The following CELSR1 variants were observed in gnomAD, a reference collection of about 807,000 sequenced individuals.
The protein encoded by CELSR1 is cadherin EGF LAG seven-pass G-type receptor 1.
A neutral mutation model predicts 249.1 loss-of-function variants in CELSR1; 110 were observed. That is an observed-to-expected ratio of 0.44 (90% CI 0.38 to 0.52). The LOEUF is 0.52. Ranked by LOEUF, CELSR1 falls within the 20% of genes least tolerant of loss-of-function variation. CELSR1 has a pLI of 0.00. For missense variants in CELSR1, 4,109 were observed against 4,296.4 expected (o/e 0.96, Z 1.22); for synonymous variants, 2,113 against 1,900.0 (o/e 1.11, Z -2.92).
At chr22:46,372,272 ACTC>A (rs2078861370) in intron 25 of CELSR1, among the ~76,000 whole-genome samples, 1 of 83,918 alleles carries the variant, frequency 1.2e-5, no homozygotes, top group African/African-American at 5.5e-5. Context: ...ATCCATCCTC[ACTC>A]AACCCCCATC....
chr22:46,391,108 T>A lies in CELSR1; in HGVS notation c.6250+78A>T. 1 of 1,165,676 alleles carries A rather than the reference T, an allele frequency of 8.6e-7. No homozygotes were observed. The highest frequency in any genetic ancestry group is 1.2e-6 in the Non-Finnish European group (1 of 801,474). The allele number at this position is 1,165,676 out of a possible 1,614,324, so 72.2% of individuals were successfully genotyped here. ...TATTTTTTCAACACGAAACATTCCA[T>A]GAGTCCCCACATCTCGACTGGCTCC... On this transcript the variant is annotated intron_variant, in intron 16 of 34. Transcript: ENST00000674500. This position sits in a 1 kb window ranked among gnomAD's most constrained non-coding sequence, Gnocchi z 4.3.
In CELSR1 at chr22:46,534,969, T is replaced by C. The variant is rs767468090; in HGVS notation, c.2202A>G (p.Ala734=). 1 of 1,612,280 alleles carries C rather than the reference T, an allele frequency of 6.2e-7. No individual in the cohort carries two copies. Among genetic ancestry groups the C allele is most frequent in the Non-Finnish European group, 8.5e-7 (1 of 1,179,768 alleles). Residue 734 remains alanine (A), a synonymous_variant, in exon 1 of 35, where the codon GCA becomes GCG. Coordinates refer to ENST00000674500, the MANE Select transcript of CELSR1 (RefSeq NM_001378328.1). The surrounding 1 kb of genome is among the most constrained non-coding windows in gnomAD (Gnocchi z 9.7). Reference sequence around the variant, plus strand: ...GGCCGCCCCCTCTCTGGCTGCTGAGTGCAAAGCGGTTCCGGGTGTTGCCGC... The same window carrying C: ...GGCCGCCCCCTCTCTGGCTGCTGAGCGCAAAGCGGTTCCGGGTGTTGCCGC... ...LTGGNTRNRF[A]LSSQRGGGLI...
At position 46,434,633 on chromosome 22, in the gene CELSR1, G is replaced by T. The variant is rs73890426; in HGVS notation, c.4523-1152C>A. ...CAACACGGGCCAGGGTTCTAGAGAC[G>T]GAAGCAGCTCTGAGCCATCTTGGTG... On this transcript the variant is annotated intron_variant, in intron 4 of 34. Transcript: ENST00000674500. The surrounding 1 kb of genome is among the most constrained non-coding windows in gnomAD (Gnocchi z 4.9). Among the ~76,000 whole-genome samples the T allele has an allele frequency of 6.6e-6, 1 of 152,184 alleles. No homozygotes were observed. The highest frequency in any genetic ancestry group is 2.4e-5 in the African/African-American group (1 of 41,442).
Position 46,401,316 on chromosome 22 carries a change from T to C in CELSR1, c.5227-1414A>G, listed in dbSNP as rs2079208730. On this transcript the variant is annotated intron_variant, in intron 9 of 34. Transcript: ENST00000674500. This position sits in a 1 kb window ranked among gnomAD's most constrained non-coding sequence, Gnocchi z 4.7. ...AATCTTAGATCTCCTAAGAAAGGACTTGGCAATTTGGACCACCTCTCCTCT... is the reference window on the plus strand; with the variant it reads ...AATCTTAGATCTCCTAAGAAAGGACCTGGCAATTTGGACCACCTCTCCTCT... 6.6e-6 allele frequency among the ~76,000 whole-genome samples: 1 copy of C among 152,192 alleles called. No individual in the cohort carries two copies. Among genetic ancestry groups the C allele is most frequent in the Non-Finnish European group, 1.5e-5 (1 of 68,024 alleles).
At position 46,433,438 on chromosome 22, in the gene CELSR1, C is replaced by T; in HGVS notation, c.4566G>A (p.Val1522=). 1 of 1,614,066 alleles carries T rather than the reference C, an allele frequency of 6.2e-7. No homozygotes were observed. The highest frequency in any genetic ancestry group is 8.5e-7 in the Non-Finnish European group (1 of 1,179,978). The change falls in exon 5 of 35, where the codon GTG becomes GTA. Residue 1522 remains valine, a synonymous_variant. Transcript: ENST00000674500. This position sits in a 1 kb window ranked among gnomAD's most constrained non-coding sequence, Gnocchi z 5.7. ...TTVAPKVPSG[V]SDGRWHSVQV... is the part of the protein sequence containing the mutation. ...GCACAGAGTGCCACCGCCCGTCACT[C>T]ACACCACTGGGAACCTTCGGTGCCA...
chr22:46,481,400 C>T, intron 1 of CELSR1: 10 of 1,230,760 alleles, frequency 8.1e-6, no homozygotes, highest in Non-Finnish European at 1.2e-5. Context: ...TGGTCATCCA[C>T]ACACTTGGTC....
At chr22:46,368,722 T>A (rs933830770) in intron 27 of CELSR1, among the ~76,000 whole-genome samples, 1 of 151,860 alleles carries the variant, frequency 6.6e-6, no homozygotes, top group African/African-American at 2.4e-5. Context: ...TCCCCTCTCC[T>A]CCCTAGAACA....
At position 46,363,205 on chromosome 22, in the gene CELSR1, A is replaced by T. The variant is rs780052407; in HGVS notation, c.*18T>A. 6.3e-7 allele frequency: 1 copy of T among 1,578,916 alleles called. No homozygotes were observed. Among genetic ancestry groups the T allele is most frequent in the South Asian group, 1.1e-5 (1 of 90,974 alleles). ...ACGGTTTCCTGATGGTTCAAATTGA[A>T]GTTTCATTACTGATGGTTCAAATTG... On this transcript the variant is annotated 3_prime_UTR_variant, in exon 35 of 35. Transcript: ENST00000674500. The surrounding 1 kb of genome is among the most constrained non-coding windows in gnomAD (Gnocchi z 4.3).
chr22:46,507,289 C>T (rs150998171), intron 1 of CELSR1, among the ~76,000 whole-genome samples: 214 of 152,310 alleles, frequency 1.4e-3, no homozygotes, highest in African/African-American at 4.8e-3. Context: ...TGAGAAGCCA[C>T]GGCTGGGGGG....
chr22:46,459,965 G>A (rs1028400736), intron 2 of CELSR1, among the ~76,000 whole-genome samples: 4 of 152,190 alleles, frequency 2.6e-5, no homozygotes, highest in African/African-American at 9.7e-5. Context: ...CCAACACTTT[G>A]GGAGGCCAAG....
Position 46,366,853 on chromosome 22 carries a change from C to CGT in CELSR1, c.8205+138_8205+139dup, listed in dbSNP as rs1250853919. 4 of 1,232,808 alleles carry CGT rather than the reference C, an allele frequency of 3.2e-6. No homozygotes were observed. The South Asian group carries it at 4.7e-5, about 14-fold the overall frequency. 76.4% of individuals were successfully genotyped at this position (1,232,808 alleles called of 1,614,324 possible). ...TCTGGTTCTGACGCGGCAGCCACAC[C>CGT]GTGCACCGCGGGCGGCTCTGCCATC... On this transcript the variant is annotated intron_variant, in intron 29 of 34. Coordinates refer to ENST00000674500, the MANE Select transcript of CELSR1 (RefSeq NM_001378328.1).
intron 25 of CELSR1, among the ~76,000 whole-genome samples, chr22:46,372,180 C>T (rs2078859763): frequency 1.3e-5 from 2 of 150,268 alleles, no homozygotes; most frequent in Admixed American, 1.3e-4. Context: ...CACCCCTCAC[C>T]CATCCATCTA....
Position 46,444,503 on chromosome 22 carries a change from C to G in CELSR1, c.4184-5092G>C, listed in dbSNP as rs550098380. Among the ~76,000 whole-genome samples the G allele has an allele frequency of 2.0e-5, 3 of 152,280 alleles. No individual in the cohort carries two copies. In the South Asian group the frequency reaches 6.2e-4, roughly 32 times the overall value. ...AGCAAACCCAGCCGCAGGTGTTTGC[C>G]CCTCGCTGAAAAGGTCTTGCTCCTT... On this transcript the variant is annotated intron_variant, in intron 2 of 34. Coordinates refer to ENST00000674500, the MANE Select transcript of CELSR1 (RefSeq NM_001378328.1).
In CELSR1 at chr22:46,488,853, G is replaced by C. The variant is rs1398151057; in HGVS notation, c.3545-24508C>G. Reference sequence around the variant, plus strand: ...TTTTTGTATTTTTAGTAGAGACGGGGTTTCACCGTGTTAGCCAGGATGGTC... The same window carrying C: ...TTTTTGTATTTTTAGTAGAGACGGGCTTTCACCGTGTTAGCCAGGATGGTC... On this transcript the variant is annotated intron_variant, in intron 1 of 34. Transcript: ENST00000674500. The surrounding 1 kb of genome is among the most constrained non-coding windows in gnomAD (Gnocchi z 4.7). Among the ~76,000 whole-genome samples, 2 of 152,124 alleles carry C rather than the reference G, an allele frequency of 1.3e-5. No homozygotes were observed. Among genetic ancestry groups the C allele is most frequent in the Non-Finnish European group, 2.9e-5 (2 of 68,024 alleles).
intron 5 of CELSR1, among the ~76,000 whole-genome samples, chr22:46,425,690 G>A (rs5767204): frequency 1.6e-4 from 25 of 151,970 alleles, no homozygotes; most frequent in South Asian, 4.1e-4. Context: ...GTTTTCCCCC[G>A]CTTTGAAAAG....
At chr22:46,384,981 G>A (rs1178837433) in intron 19 of CELSR1, among the ~76,000 whole-genome samples, 1 of 151,896 alleles carries the variant, frequency 6.6e-6, no homozygotes, top group Non-Finnish European at 1.5e-5. Flanking sequence ...TGGTAGAGAT[G>A]GGATTTCATC....
chr22:46,399,046 C>T lies in CELSR1; in HGVS notation c.5413-409G>A, dbSNP rs1334246922. On this transcript the variant is annotated intron_variant, in intron 10 of 34. Transcript: ENST00000674500. This position sits in a 1 kb window ranked among gnomAD's most constrained non-coding sequence, Gnocchi z 5.0. ...AAGAGGGTCTCGGCTGAGATCCAGT[C>T]CCAGAAAGGCAGGTGCCTGGAACAC... 1.3e-5 allele frequency among the ~76,000 whole-genome samples: 2 copies of T among 152,194 alleles called. No homozygotes were observed. Among genetic ancestry groups the T allele is most frequent in the African/African-American group, 2.4e-5 (1 of 41,456 alleles).
At position 46,430,741 on chromosome 22, in the gene CELSR1, C is replaced by T. The variant is rs1602125528; in HGVS notation, c.4611+2652G>A. Among the ~76,000 whole-genome samples the T allele has an allele frequency of 6.6e-6, 1 of 152,066 alleles. No homozygotes were observed. Among genetic ancestry groups the T allele is most frequent in the East Asian group, 1.9e-4 (1 of 5,176 alleles). Reference sequence around the variant, plus strand: ...GATTGTCTTCCTGACCTCAAGCTGGCCCCCGCCACCCCTCCAGGCCCCCAC... The same window carrying T: ...GATTGTCTTCCTGACCTCAAGCTGGTCCCCGCCACCCCTCCAGGCCCCCAC... On this transcript the variant is annotated intron_variant, in intron 5 of 34. Coordinates refer to ENST00000674500, the MANE Select transcript of CELSR1 (RefSeq NM_001378328.1). This position sits in a 1 kb window ranked among gnomAD's most constrained non-coding sequence, Gnocchi z 4.6.
intron 25 of CELSR1, among the ~76,000 whole-genome samples, chr22:46,372,178 A>C (rs1602032865): frequency 7.8e-6 from 1 of 128,578 alleles, no homozygotes. Flanking sequence ...CTCACCCCTC[A>C]CCCATCCATC....
Sources: gnomAD v4.1 joint callset for allele counts (sites outside exome capture counted in the v4.1 genomes callset) on GRCh38, gnomAD v4.1.1 for gene constraint, Gnocchi (gnomAD v3.1) non-coding constraint, MANE v1.5 for transcripts, NCBI Gene and HGNC (gene_info 2026-07-23, HGNC 2026-07-21) for gene names.